GFPT1: variants seen among roughly 807,000 people sequenced by gnomAD.
GFPT1 encodes glutamine--fructose-6-phosphate aminotransferase [isomerizing] 1.
A neutral mutation model predicts 92.0 loss-of-function variants in GFPT1; 40 were observed. That is an observed-to-expected ratio of 0.43 (90% CI 0.34 to 0.57). The LOEUF is 0.57. Ranked by LOEUF, GFPT1 falls within the 20% of genes least tolerant of loss-of-function variation. GFPT1 has a pLI of 0.02. For missense variants in GFPT1, 448 were observed against 869.1 expected, an observed-to-expected ratio of 0.52 and a Z score of 6.09; for synonymous variants, 269 against 280.6, an observed-to-expected ratio of 0.96 and a Z score of 0.41.
chr2:69,362,410 A>G (rs1291296068), intron 4 of GFPT1, among the ~76,000 whole-genome samples: 1 of 152,138 alleles, frequency 6.6e-6, no homozygotes, highest in Non-Finnish European at 1.5e-5. Context: ...GACTTCTTTT[A>G]GTGTGTCTTA....
chr2:69,362,150 G>C (rs1027139889), intron 4 of GFPT1, among the ~76,000 whole-genome samples: 2 of 152,160 alleles, frequency 1.3e-5, no homozygotes, highest in Non-Finnish European at 2.9e-5. Flanking sequence ...TTGTTTTGTT[G>C]AGACAGTCTC....
At chr2:69,356,677 T>A in intron 6 of GFPT1, 120 bp from the exon 7 acceptor site, 1 of 759,892 alleles carries the variant, frequency 1.3e-6, no homozygotes, top group East Asian at 2.5e-5. Context: ...TTGTACCAGT[T>A]TATAAACAAG....
intron 15 of GFPT1, among the ~76,000 whole-genome samples, chr2:69,337,472 C>A (rs979221672): frequency 1.1e-4 from 17 of 152,142 alleles, no homozygotes; most frequent in African/African-American, 3.9e-4. Flanking sequence ...AATAAAAATT[C>A]CAAAAATGGT....
intron 3 of GFPT1, among the ~76,000 whole-genome samples, chr2:69,369,037 T>C (rs1223630801): frequency 6.6e-6 from 1 of 152,182 alleles, no homozygotes; most frequent in Non-Finnish European, 1.5e-5. Flanking sequence ...CTCACAGCAA[T>C]GTCTGTTCTC....
At chr2:69,352,737 T>C (rs1671241753) in intron 9 of GFPT1, among the ~76,000 whole-genome samples, 1 of 151,822 alleles carries the variant, frequency 6.6e-6, no homozygotes, top group Non-Finnish European at 1.5e-5. Context: ...AAAGTATATT[T>C]AGTTAAAATA....
chr2:69,333,296 G>A (rs1246351506), intron 15 of GFPT1, among the ~76,000 whole-genome samples: 1 of 152,184 alleles, frequency 6.6e-6, no homozygotes, highest in Non-Finnish European at 1.5e-5. Flanking sequence ...AACTAAAAAT[G>A]TTATTCTACA....
intron 7 of GFPT1, among the ~76,000 whole-genome samples, chr2:69,355,926 C>G (rs62135763): frequency 1.3e-5 from 2 of 151,094 alleles, no homozygotes; most frequent in African/African-American, 4.9e-5. Context: ...CACAAAGTAA[C>G]CTTGGTGCGC....
At chr2:69,358,043 C>T (rs951137914) in intron 6 of GFPT1, among the ~76,000 whole-genome samples, 4 of 151,958 alleles carry the variant, frequency 2.6e-5, no homozygotes, top group Middle Eastern at 3.2e-3. Flanking sequence ...ACGTGTGGTG[C>T]ATATGGATGT....
chr2:69,343,142 C>T (rs1670994284), intron 12 of GFPT1, among the ~76,000 whole-genome samples: 1 of 152,128 alleles, frequency 6.6e-6, no homozygotes. Context: ...ACATGTTGTT[C>T]TCCATGTGTC....
intron 9 of GFPT1, among the ~76,000 whole-genome samples, chr2:69,352,610 C>T (rs1377494262): frequency 9.5e-5 from 3 of 31,470 alleles, no homozygotes; most frequent in African/African-American, 2.6e-4. Context: ...GAGACTTCGT[C>T]TCAAAAAAAA....
chr2:69,363,821 A>G lies in GFPT1; in HGVS notation c.224-151T>C, dbSNP rs1456664977. The G allele has an allele frequency of 1.6e-5, 11 of 698,674 alleles. No homozygotes were observed. In the East Asian group the frequency reaches 2.4e-4, roughly 16 times the overall value. The allele number at this position is 698,674 out of a possible 1,614,324, so 43.3% of individuals were successfully genotyped here. A position where few individuals can be genotyped will look rare whatever the true frequency, so the allele number is the denominator to read the frequency against. On this transcript the variant is annotated intron_variant, in intron 3 of 19. Coordinates refer to ENST00000357308, the MANE Select transcript of GFPT1 (RefSeq NM_001244710.2). ...TCAGGCATATTCAAAATAGTGATTA[A>G]AAGACTTAGGAGGCAGGGTGCAGTG...
intron 9 of GFPT1, among the ~76,000 whole-genome samples, chr2:69,352,612 C>CAAAAAAAAAAAA (rs748958210): frequency 3.0e-4 from 14 of 47,376 alleles, no homozygotes; most frequent in African/African-American, 9.9e-4. Flanking sequence ...GACTTCGTCT[C>CAAAAAAAAAAAA]AAAAAAAAAA....
intron 8 of GFPT1, 75 bp from the exon 9 acceptor site, chr2:69,354,387 G>A (rs541420534): frequency 1.5e-6 from 2 of 1,350,422 alleles, no homozygotes; most frequent in South Asian, 1.2e-5. Flanking sequence ...TGTCTAGACA[G>A]AACTATATAT....
chr2:69,360,442 A>AT (rs199904047), intron 4 of GFPT1, among the ~76,000 whole-genome samples: 25,153 of 144,120 alleles, frequency 0.17, 2,430 homozygotes, highest in South Asian at 0.23. Flanking sequence ...TTATCAAAAT[A>AT]TTTTTTTTTT....
At chr2:69,372,127 G>A (rs1671765302) in intron 2 of GFPT1, among the ~76,000 whole-genome samples, 1 of 150,182 alleles carries the variant, frequency 6.7e-6, no homozygotes. Flanking sequence ...TTGAACTCGG[G>A]AGGTGGAGGC....
Position 69,323,465 on chromosome 2 carries a change from TAG to T in GFPT1, c.*2722_*2723del, listed in dbSNP as rs1223638452. 1 of 152,100 alleles carries T rather than the reference TAG, an allele frequency of 6.6e-6. No homozygotes were observed. The highest frequency in any genetic ancestry group is 1.9e-4 in the East Asian group (1 of 5,190). 9.4% of individuals were successfully genotyped at this position (152,100 alleles called of 1,614,324 possible). On this transcript the variant is annotated 3_prime_UTR_variant, in exon 20 of 20. Coordinates refer to ENST00000357308, the MANE Select transcript of GFPT1 (RefSeq NM_001244710.2). Reference sequence around the variant, plus strand: ...TTAAAAATCACTACATCAAATGGGATAGAGAGTAAGAAGACAGGAGAGAGAGG... The same window carrying T: ...TTAAAAATCACTACATCAAATGGGATAGAGTAAGAAGACAGGAGAGAGAGG...
intron 6 of GFPT1, among the ~76,000 whole-genome samples, chr2:69,357,525 A>G (rs1671368092): frequency 6.6e-6 from 1 of 152,066 alleles, no homozygotes; most frequent in Non-Finnish European, 1.5e-5. Flanking sequence ...ACACTACTCC[A>G]CTCTGCCTTG....
At chr2:69,384,846 AT>A (rs1672096914) in intron 1 of GFPT1, among the ~76,000 whole-genome samples, 1 of 152,210 alleles carries the variant, frequency 6.6e-6, no homozygotes, top group African/African-American at 2.4e-5. Context: ...ATAGCAAGTA[AT>A]CAGAAAGTAA....
rs1352749660 is a variant in GFPT1, at chr2:69,325,233, A to G, written c.*956T>C. ...ATGAAGGAAAGTTAAAATTAACTAC[A>G]GGAAATTCTTCCTCGTGACAAAGTT... On this transcript the variant is annotated 3_prime_UTR_variant, in exon 20 of 20. Transcript: ENST00000357308. 6.6e-6 allele frequency: 1 copy of G among 152,218 alleles called. No homozygotes were observed. The highest frequency in any genetic ancestry group is 1.5e-5 in the Non-Finnish European group (1 of 68,024). 9.4% of individuals were successfully genotyped at this position (152,218 alleles called of 1,614,324 possible).
Sources: allele counts gnomAD v4.1 joint callset (sites outside exome capture counted in the v4.1 genomes callset), GRCh38; gene constraint gnomAD v4.1.1; transcripts MANE v1.5; gene names NCBI Gene and HGNC (gene_info 2026-07-23, HGNC 2026-07-21).